Variants in SNX29 observed in about 807,000 individuals in gnomAD.
SNX29 encodes the protein sorting nexin 29.
SNX29 carries 78 observed loss-of-function variants against 102.1 expected under a neutral mutation model. The observed-to-expected ratio is 0.76, with a 90% CI of 0.64 to 0.92. The LOEUF is 0.92. SNX29 is among the 40% of genes least tolerant of loss of function. The pLI is 0.00. For synonymous variants in SNX29, 580 were observed against 414.5 expected (o/e 1.40, Z -4.85); for missense variants, 1,280 against 1,061.7 (o/e 1.21, Z -2.86).
intron 13 of SNX29, among the ~76,000 whole-genome samples, chr16:12,183,931 G>T (rs887956434): frequency 1.3e-5 from 2 of 152,194 alleles, no homozygotes; most frequent in African/African-American, 4.8e-5. Flanking sequence ...ACATCAAGAA[G>T]TTACCCTGTA....
chr16:12,126,354 A>G (rs909408195), intron 11 of SNX29, among the ~76,000 whole-genome samples: 1 of 152,238 alleles, frequency 6.6e-6, no homozygotes, highest in Non-Finnish European at 1.5e-5. Flanking sequence ...TTAAGATCTC[A>G]TTTTATAGAT....
At chr16:12,423,980 A>T (rs2084962957) in intron 18 of SNX29, among the ~76,000 whole-genome samples, 1 of 152,162 alleles carries the variant, frequency 6.6e-6, no homozygotes, top group East Asian at 1.9e-4. Flanking sequence ...CTCACCAGAG[A>T]GTGTGAGGTC....
intron 2 of SNX29, 103 bp from the exon 3 acceptor site, chr16:12,002,888 C>A: frequency 7.7e-7 from 1 of 1,304,100 alleles, no homozygotes; most frequent in South Asian, 1.2e-5. Flanking sequence ...AGCTTCTGGT[C>A]CCGTGTCCCC....
intron 16 of SNX29, among the ~76,000 whole-genome samples, chr16:12,364,156 CTTGT>C (rs958441558): frequency 1.8e-4 from 18 of 102,780 alleles, no homozygotes; most frequent in Non-Finnish European, 2.5e-4. Flanking sequence ...CCAAGCCTGG[CTTGT>C]TTGTTATGTT....
At chr16:12,025,388 GC>G (rs1189588292) in intron 3 of SNX29, among the ~76,000 whole-genome samples, 1 of 150,972 alleles carries the variant, frequency 6.6e-6, no homozygotes, top group Non-Finnish European at 1.5e-5. Context: ...TATCTGCCCA[GC>G]AAAGAGGTTT....
intron 14 of SNX29, among the ~76,000 whole-genome samples, chr16:12,230,599 A>G (rs914775415): frequency 1.3e-5 from 2 of 152,232 alleles, no homozygotes; most frequent in Non-Finnish European, 2.9e-5. Flanking sequence ...CAAAGCTGCA[A>G]GTGGACAAAT....
intron 20 of SNX29, among the ~76,000 whole-genome samples, chr16:12,567,108 T>C (rs548267296): frequency 6.6e-6 from 1 of 152,382 alleles, no homozygotes; most frequent in African/African-American, 2.4e-5. Context: ...TCTTTATGAA[T>C]GCAAGTCTCT....
At chr16:12,555,266 G>C (rs988963179) in intron 20 of SNX29, among the ~76,000 whole-genome samples, 1 of 151,534 alleles carries the variant, frequency 6.6e-6, no homozygotes, top group African/African-American at 2.4e-5. Context: ...CAAACCCAGG[G>C]TATGACCTCC....
At chr16:12,338,480 G>C (rs1347243077) in intron 15 of SNX29, among the ~76,000 whole-genome samples, 1 of 152,198 alleles carries the variant, frequency 6.6e-6, no homozygotes, top group Admixed American at 6.5e-5. Context: ...TGCATCAGGC[G>C]TTGTGCACAG....
intron 16 of SNX29, 99 bp from the exon 17 acceptor site, chr16:12,398,347 G>T: frequency 1.5e-6 from 2 of 1,302,858 alleles, no homozygotes; most frequent in Non-Finnish European, 2.2e-6. Context: ...AATAGGAAAT[G>T]TTCAGGGATC....
chr16:12,552,944 G>T (rs1027514103), intron 20 of SNX29, among the ~76,000 whole-genome samples: 1 of 152,246 alleles, frequency 6.6e-6, no homozygotes, highest in Admixed American at 6.5e-5. Context: ...TATATGCCAC[G>T]TCATCAGGAA....
chr16:12,146,606 A>G (rs2055076266), intron 13 of SNX29, among the ~76,000 whole-genome samples: 1 of 152,170 alleles, frequency 6.6e-6, no homozygotes, highest in Non-Finnish European at 1.5e-5. Context: ...TCTTGGCGGC[A>G]GGCTGAGGTG....
At chr16:11,996,202 A>AC (rs1158645128) in intron 1 of SNX29, among the ~76,000 whole-genome samples, 2 of 151,790 alleles carry the variant, frequency 1.3e-5, no homozygotes, top group African/African-American at 4.8e-5. Flanking sequence ...CTGGGGTGAG[A>AC]CCCCGTCTGT....
intron 19 of SNX29, among the ~76,000 whole-genome samples, chr16:12,504,672 A>T (rs2089292979): frequency 6.6e-6 from 1 of 152,190 alleles, no homozygotes; most frequent in Admixed American, 6.5e-5. Context: ...CATTACTTTT[A>T]TTGTAATATA....
chr16:12,452,552 G>A (rs75954488), intron 18 of SNX29, among the ~76,000 whole-genome samples: 2,365 of 152,292 alleles, frequency 0.016, 53 homozygotes, highest in African/African-American at 0.053. Flanking sequence ...TGGGGTGAGG[G>A]GGTGAAGGAT....
At chr16:12,403,238 GT>G (rs1567527911) in intron 17 of SNX29, among the ~76,000 whole-genome samples, 35 of 146,384 alleles carry the variant, frequency 2.4e-4, no homozygotes, top group African/African-American at 5.0e-4. Context: ...GTGTGTGTGT[GT>G]GTGTGTGTGT....
chr16:12,344,389 T>G (rs1429420513), intron 15 of SNX29, among the ~76,000 whole-genome samples: 1 of 152,136 alleles, frequency 6.6e-6, no homozygotes, highest in Non-Finnish European at 1.5e-5. Context: ...TCCGTGAGCC[T>G]CCATTTCCTC....
At chr16:12,038,826 A>G (rs1313732318) in intron 4 of SNX29, 1 of 152,234 alleles carries the variant, frequency 6.6e-6, no homozygotes, top group Admixed American at 6.5e-5. Flanking sequence ...GGACGTACCG[A>G]CAATGGTCTG....
intron 11 of SNX29, 141 bp from the exon 12 acceptor site, chr16:12,126,492 T>G (rs762836145): frequency 3.8e-6 from 3 of 790,238 alleles, no homozygotes; most frequent in Admixed American, 5.5e-5. Context: ...TCTCTTAGAC[T>G]GTTATAGGAG....
Sources: gnomAD v4.1 joint callset for allele counts (sites outside exome capture counted in the v4.1 genomes callset) on GRCh38, gnomAD v4.1.1 for gene constraint, MANE v1.5 for transcripts, NCBI Gene and HGNC (gene_info 2026-07-23, HGNC 2026-07-21) for gene names.